The following CADM1 variants were observed in gnomAD, a reference collection of about 807,000 sequenced individuals.
The protein encoded by CADM1 is TSLC-1.
In CADM1, 15 loss-of-function variants were observed where a neutral mutation model predicts 53.1. That is an observed-to-expected ratio of 0.28 (90% confidence interval 0.19 to 0.44). CADM1 has a LOEUF of 0.44. Ranked by LOEUF, CADM1 falls within the 20% of genes least tolerant of loss-of-function variation. CADM1 has a pLI of 1.00. For synonymous variants in CADM1, 281 were observed against 243.0 expected (o/e 1.16, Z -1.45); for missense variants, 434 against 611.3 (o/e 0.71, Z 3.06).
At chr11:115,250,729 T>C (rs934690030) in intron 1 of CADM1, among the ~76,000 whole-genome samples, 1 of 152,188 alleles carries the variant, frequency 6.6e-6, no homozygotes, top group Admixed American at 6.5e-5. Context: ...TTTTTCCCTT[T>C]CTTCACATTA....
intron 1 of CADM1, among the ~76,000 whole-genome samples, chr11:115,458,900 T>G (rs1051961376): frequency 1.3e-5 from 2 of 152,158 alleles, no homozygotes; most frequent in Non-Finnish European, 1.5e-5. Context: ...ATCAAAGCCC[T>G]TCAAAGTTAG....
chr11:115,192,204 C>T (rs1346951571), intron 9 of CADM1, among the ~76,000 whole-genome samples: 4 of 152,200 alleles, frequency 2.6e-5, no homozygotes, highest in Admixed American at 6.5e-5. Flanking sequence ...AGAAACCAAA[C>T]GAACATTGAT....
chr11:115,368,339 A>G (rs760005254), intron 1 of CADM1, among the ~76,000 whole-genome samples: 5 of 152,236 alleles, frequency 3.3e-5, no homozygotes, highest in South Asian at 4.1e-4. Context: ...GTTGTTTACA[A>G]TAATGCCCAA....
intron 1 of CADM1, among the ~76,000 whole-genome samples, chr11:115,295,906 GCTTAA>G (rs1202942489): frequency 2.0e-5 from 3 of 152,062 alleles, no homozygotes; most frequent in Middle Eastern, 3.4e-3. Flanking sequence ...ATTTGTCAAT[GCTTAA>G]CTTAAGGGCT....
At chr11:115,421,820 T>C (rs999252202) in intron 1 of CADM1, among the ~76,000 whole-genome samples, 4 of 152,172 alleles carry the variant, frequency 2.6e-5, no homozygotes, top group South Asian at 2.1e-4. Context: ...GAAAGGAAAT[T>C]TGTTGCATGA....
At chr11:115,317,816 T>A (rs189195196) in intron 1 of CADM1, among the ~76,000 whole-genome samples, 2 of 152,338 alleles carry the variant, frequency 1.3e-5, no homozygotes, top group South Asian at 2.1e-4. Flanking sequence ...ATAGCAGCAA[T>A]TATTTTTCTC....
intron 1 of CADM1, among the ~76,000 whole-genome samples, chr11:115,262,232 T>C (rs997154926): frequency 2.0e-5 from 3 of 151,948 alleles, no homozygotes; most frequent in Non-Finnish European, 2.9e-5. Context: ...TTATAAAAAC[T>C]CTGTGTTACC....
chr11:115,175,314 A>G lies in CADM1; in HGVS notation c.*1160T>C, dbSNP rs1006848211. 1 of 985,338 alleles carries G rather than the reference A, an allele frequency of 1.0e-6. No individual in the cohort carries two copies. The highest frequency in any genetic ancestry group is 1.8e-5 in the African/African-American group (1 of 57,134). 61.0% of individuals were successfully genotyped at this position (985,338 alleles called of 1,614,324 possible). ...CGAGTTGGAAATCCCAGCATGACAA[A>G]TATCTGTAATATACAGTACATGCAG... On this transcript the variant is annotated 3_prime_UTR_variant, in exon 12 of 12. Coordinates refer to ENST00000331581, the MANE Select transcript of CADM1 (RefSeq NM_001301043.2).
intron 1 of CADM1, among the ~76,000 whole-genome samples, chr11:115,483,102 A>G (rs1949293781): frequency 6.6e-6 from 1 of 152,238 alleles, no homozygotes; most frequent in Non-Finnish European, 1.5e-5. Flanking sequence ...TCTTAAAACT[A>G]TTTGAATGAG....
At chr11:115,341,333 AAAAT>A (rs1218406733) in intron 1 of CADM1, among the ~76,000 whole-genome samples, 5 of 152,216 alleles carry the variant, frequency 3.3e-5, no homozygotes, top group African/African-American at 9.6e-5. Context: ...CAATGAAGCA[AAAAT>A]AAATAAAACT....
At chr11:115,417,807 C>T (rs1429964003) in intron 1 of CADM1, among the ~76,000 whole-genome samples, 1 of 152,160 alleles carries the variant, frequency 6.6e-6, no homozygotes, top group Non-Finnish European at 1.5e-5. Flanking sequence ...CCATGGGTAA[C>T]TGAAACCAAC....
At chr11:115,361,889 G>GT (rs144296156) in intron 1 of CADM1, among the ~76,000 whole-genome samples, 4,060 of 92,092 alleles carry the variant, frequency 0.044, 144 homozygotes, top group African/African-American at 0.12. Context: ...CCACACCCGA[G>GT]TTTTTGTTTT....
chr11:115,478,767 A>C (rs1437522784), intron 1 of CADM1, among the ~76,000 whole-genome samples: 1 of 152,154 alleles, frequency 6.6e-6, no homozygotes, highest in Non-Finnish European at 1.5e-5. Context: ...ATTATATATA[A>C]AATACTTACA....
intron 1 of CADM1, among the ~76,000 whole-genome samples, chr11:115,408,928 A>C (rs1947384820): frequency 6.6e-6 from 1 of 152,230 alleles, no homozygotes; most frequent in African/African-American, 2.4e-5. Flanking sequence ...TTTTCGTTTT[A>C]ATCCGGTAAT....
intron 1 of CADM1, among the ~76,000 whole-genome samples, chr11:115,494,074 T>C (rs1949556397): frequency 6.6e-6 from 1 of 152,154 alleles, no homozygotes; most frequent in African/African-American, 2.4e-5. Flanking sequence ...TTCATCATGA[T>C]GCAATGTGCT....
intron 8 of CADM1, among the ~76,000 whole-genome samples, 177 bp downstream of exon 8, chr11:115,209,397 G>A (rs1205587513): frequency 1.3e-5 from 2 of 152,210 alleles, no homozygotes; most frequent in African/African-American, 4.8e-5. Context: ...ATGCTGGGAT[G>A]TTTCTGAGGT....
chr11:115,357,327 T>C (rs2135081255), intron 1 of CADM1, among the ~76,000 whole-genome samples: 1 of 152,312 alleles, frequency 6.6e-6, no homozygotes, highest in African/African-American at 2.4e-5. Context: ...GGAAAAAGAT[T>C]TTCCCAGACT....
At chr11:115,222,636 G>T (rs540108043) in intron 5 of CADM1, among the ~76,000 whole-genome samples, 3 of 152,188 alleles carry the variant, frequency 2.0e-5, no homozygotes, top group Non-Finnish European at 4.4e-5. Context: ...GAAGAGGGCT[G>T]AACGATTGTG....
intron 1 of CADM1, among the ~76,000 whole-genome samples, chr11:115,463,915 T>C (rs1323646572): frequency 2.6e-5 from 4 of 152,142 alleles, no homozygotes; most frequent in Non-Finnish European, 5.9e-5. Context: ...TCCTCAGCTT[T>C]CCAGCTGCCA....
Sources: allele counts gnomAD v4.1 joint callset (sites outside exome capture counted in the v4.1 genomes callset), GRCh38; gene constraint gnomAD v4.1.1; transcripts MANE v1.5; gene names NCBI Gene and HGNC (gene_info 2026-07-23, HGNC 2026-07-21).